The following IL1RAPL1 variants were observed in gnomAD, a reference collection of about 807,000 sequenced individuals.
IL1RAPL1 encodes the protein interleukin 1 receptor accessory protein like 1.
IL1RAPL1 carries 3 observed loss-of-function variants against 48.4 expected under a neutral mutation model. The ratio of observed to expected loss-of-function variants is 0.06; its 90% CI spans 0.03 to 0.16. IL1RAPL1 has a LOEUF of 0.16. IL1RAPL1 is among the 10% of genes least tolerant of loss of function. The pLI is 1.00. For synonymous variants in IL1RAPL1, 185 were observed against 187.7 expected (o/e 0.99, Z 0.12); for missense variants, 349 against 530.6 (o/e 0.66, Z 3.36).
intron 1 of IL1RAPL1, among the ~76,000 whole-genome samples, chrX:28,759,608 T>G (rs1936144110): frequency 8.9e-6 from 1 of 112,147 alleles, no homozygotes; most frequent in Non-Finnish European, 1.9e-5. Flanking sequence ...TGGCCTGCCT[T>G]TTTTCGTACC....
At chrX:29,337,903 G>A (rs909116055) in intron 3 of IL1RAPL1, among the ~76,000 whole-genome samples, 14 of 111,255 alleles carry the variant, frequency 1.3e-4, no homozygotes, top group African/African-American at 4.6e-4. Flanking sequence ...TCGAACTCCT[G>A]ACCTCAAGTG....
At chrX:29,294,979 A>C (rs1932428267) in intron 3 of IL1RAPL1, among the ~76,000 whole-genome samples, 1 of 111,724 alleles carries the variant, frequency 9.0e-6, no homozygotes, top group South Asian at 3.7e-4. Flanking sequence ...AGTACCTTAC[A>C]GGAATTCTAT....
chrX:29,533,198 A>G (rs994711850), intron 5 of IL1RAPL1, among the ~76,000 whole-genome samples: 21 of 112,295 alleles, frequency 1.9e-4, no homozygotes, highest in Non-Finnish European at 3.2e-4. Context: ...AAACATCACT[A>G]CAACCTAATT....
At chrX:29,079,739 A>AT (rs1927759501) in intron 2 of IL1RAPL1, among the ~76,000 whole-genome samples, 1 of 110,353 alleles carries the variant, frequency 9.1e-6, no homozygotes, top group Admixed American at 9.7e-5. Flanking sequence ...TGAAAAGTAC[A>AT]TTTTTTTCTG....
At chrX:29,285,120 A>G (rs1177473106) in intron 3 of IL1RAPL1, among the ~76,000 whole-genome samples, 5 of 111,790 alleles carry the variant, frequency 4.5e-5, no homozygotes, top group Non-Finnish European at 9.4e-5. Context: ...CTTATTATTG[A>G]TGGAAAAATA....
intron 1 of IL1RAPL1, among the ~76,000 whole-genome samples, chrX:28,781,093 C>A (rs1265353226): frequency 9.1e-6 from 1 of 109,532 alleles, no homozygotes; most frequent in Non-Finnish European, 1.9e-5. Context: ...AACAAATTAC[C>A]AAAAACTTAG....
intron 5 of IL1RAPL1, among the ~76,000 whole-genome samples, chrX:29,439,258 T>A (rs1166259687): frequency 9.0e-6 from 1 of 111,453 alleles, no homozygotes; most frequent in Non-Finnish European, 1.9e-5. Flanking sequence ...TCAAATCTGT[T>A]CCATATATCT....
At chrX:28,624,707 T>A (rs1934319191) in intron 1 of IL1RAPL1, among the ~76,000 whole-genome samples, 2 of 112,112 alleles carry the variant, frequency 1.8e-5, no homozygotes, top group Admixed American at 9.5e-5. Context: ...ATCTATAATC[T>A]GCAACACGGC....
intron 8 of IL1RAPL1, among the ~76,000 whole-genome samples, chrX:29,923,005 C>T (rs1170985905): frequency 8.9e-6 from 1 of 111,842 alleles, no homozygotes; most frequent in Admixed American, 9.5e-5. Context: ...CATTCCTTTG[C>T]CAAAATTATC....
chrX:28,736,005 A>G, intron 1 of IL1RAPL1, among the ~76,000 whole-genome samples: 1 of 111,478 alleles, frequency 9.0e-6, no homozygotes, highest in Admixed American at 9.6e-5. Flanking sequence ...ATGAAATAAT[A>G]TGTCCTTTTA....
intron 1 of IL1RAPL1, among the ~76,000 whole-genome samples, chrX:28,641,577 TATA>T (rs972012038): frequency 1.8e-5 from 2 of 111,831 alleles, no homozygotes; most frequent in African/African-American, 6.5e-5. Flanking sequence ...CCTTTGGGTA[TATA>T]CTCAGTAATG....
chrX:28,829,398 G>A (rs1252816610), intron 2 of IL1RAPL1, among the ~76,000 whole-genome samples: 3 of 110,709 alleles, frequency 2.7e-5, no homozygotes, highest in African/African-American at 9.9e-5. Flanking sequence ...TGGAAATGGT[G>A]AGTGTGGAAA....
At chrX:29,346,459 A>T (rs942326847) in intron 3 of IL1RAPL1, among the ~76,000 whole-genome samples, 11 of 111,901 alleles carry the variant, frequency 9.8e-5, no homozygotes, top group African/African-American at 3.6e-4. Context: ...CTCTTAGTGG[A>T]GCAGTTTCAT....
intron 2 of IL1RAPL1, among the ~76,000 whole-genome samples, chrX:28,901,183 C>A (rs1490608306): frequency 2.7e-5 from 3 of 111,450 alleles, no homozygotes; most frequent in African/African-American, 9.8e-5. Context: ...GTGCTTAGGG[C>A]AAACACTAAC....
chrX:29,091,968 A>C (rs1437201992), intron 2 of IL1RAPL1, among the ~76,000 whole-genome samples: 1 of 112,006 alleles, frequency 8.9e-6, no homozygotes. Flanking sequence ...ATAGGTTCCC[A>C]AAATTCTTCC....
At position 29,566,800 on chromosome X, in the gene IL1RAPL1, A is replaced by G. The variant is rs1399468647; in HGVS notation, c.704-101630A>G. 6.2e-5 allele frequency among the ~76,000 whole-genome samples: 7 copies of G among 112,111 alleles called. No homozygotes were observed. The Admixed American group carries it at 6.6e-4, about 11-fold the overall frequency. On this transcript the variant is annotated intron_variant, in intron 5 of 10. Coordinates refer to ENST00000378993, the MANE Select transcript of IL1RAPL1 (RefSeq NM_014271.4). Reference sequence around the variant, plus strand: ...TTTTTATGTGTTTTCTAAGTTTGTAAATATTTTATCAGGATAATTATACCA... The same window carrying G: ...TTTTTATGTGTTTTCTAAGTTTGTAGATATTTTATCAGGATAATTATACCA...
intron 2 of IL1RAPL1, among the ~76,000 whole-genome samples, chrX:29,216,483 C>T (rs1261391571): frequency 9.0e-6 from 1 of 111,542 alleles, no homozygotes; most frequent in Admixed American, 9.6e-5. Context: ...GCATGAGACA[C>T]TCTGCCTGGC....
At position 29,802,838 on chromosome X, in the gene IL1RAPL1, TATAC is replaced by T. The variant is rs1176890405; in HGVS notation, c.779-114622_779-114619del. Among the ~76,000 whole-genome samples, 73 of 78,284 alleles carry T rather than the reference TATAC, an allele frequency of 9.3e-4. 1 individual carries two copies. Among genetic ancestry groups the T allele is most frequent in the African/African-American group, 3.8e-3 (66 of 17,437 alleles). The allele number at this position is 78,284 out of a possible 115,157, so 68.0% of individuals were successfully genotyped here. On this transcript the variant is annotated intron_variant, in intron 6 of 10. Transcript: ENST00000378993. The stretch of plus-strand genomic sequence containing the variant: ...GTGTATATATATGTATACATATATG[TATAC>T]ATATATGTGTATATACGTGTACATA...
Position 29,610,116 on chromosome X carries a change from G to A in IL1RAPL1, c.704-58314G>A, listed in dbSNP as rs774530149. ...AGGTAATTCTCCAAAACAGACTAGT[G>A]AAGCAGTTATCAGAAAAGAAGGAAG... is the stretch of plus-strand genomic sequence containing the variant. On this transcript the variant is annotated intron_variant, in intron 5 of 10. Transcript: ENST00000378993. Among the ~76,000 whole-genome samples, 9 of 111,718 alleles carry A rather than the reference G, an allele frequency of 8.1e-5. No individual in the cohort carries two copies. In the Admixed American group the frequency reaches 8.6e-4, roughly 11 times the overall value.
Sources: allele counts gnomAD v4.1 joint callset (sites outside exome capture counted in the v4.1 genomes callset), GRCh38; gene constraint gnomAD v4.1.1; transcripts MANE v1.5; gene names NCBI Gene and HGNC (gene_info 2026-07-23, HGNC 2026-07-21).